The following CDH18 variants were observed in gnomAD, a reference collection of about 807,000 sequenced individuals.
CDH18 encodes the protein cadherin 18.
CDH18 carries 31 observed loss-of-function variants against 67.9 expected under a neutral mutation model. That is an observed-to-expected ratio of 0.46 (90% CI 0.34 to 0.62). CDH18 has a LOEUF of 0.62. CDH18 is among the 20% of genes least tolerant of loss of function. The pLI is 0.01. For synonymous variants in CDH18, 362 were observed against 347.2 expected (o/e 1.04, Z -0.48); for missense variants, 890 against 975.5 (o/e 0.91, Z 1.17).
intron 6 of CDH18, among the ~76,000 whole-genome samples, chr5:19,595,146 A>G (rs923083599): frequency 6.6e-6 from 1 of 152,188 alleles, no homozygotes; most frequent in Non-Finnish European, 1.5e-5. Flanking sequence ...CACTAATAAA[A>G]ATTATTTGAA....
chr5:20,408,947 G>A (rs977214242), intron 1 of CDH18, among the ~76,000 whole-genome samples: 5 of 151,622 alleles, frequency 3.3e-5, no homozygotes, highest in Admixed American at 1.3e-4. Context: ...TAGACTTTAC[G>A]TTAAAAACAA....
At chr5:20,252,214 G>T (rs1743913197) in intron 2 of CDH18, among the ~76,000 whole-genome samples, 1 of 151,994 alleles carries the variant, frequency 6.6e-6, no homozygotes, top group African/African-American at 2.4e-5. Flanking sequence ...AGCTGAGCAT[G>T]GTGGCGCGCG....
intron 8 of CDH18, among the ~76,000 whole-genome samples, chr5:19,548,843 C>T (rs1046348485): frequency 4.0e-5 from 6 of 151,658 alleles, no homozygotes; most frequent in Non-Finnish European, 5.9e-5. Context: ...CTCTGCCTCC[C>T]GGGTTCAAAC....
chr5:19,985,451 C>T lies in CDH18; in HGVS notation c.-376+2635G>A, dbSNP rs1188990201. The stretch of plus-strand genomic sequence containing the variant: ...AGCAGTGGTTCTCAATGTAATTTTG[C>T]ATCCTCCCCAGGGGATAGTTAACAA... On this transcript the variant is annotated intron_variant, in intron 1 of 12. Transcript: ENST00000382275. 2.6e-5 allele frequency among the ~76,000 whole-genome samples: 4 copies of T among 152,022 alleles called. No homozygotes were observed. In the East Asian group the frequency reaches 5.8e-4, roughly 22 times the overall value.
chr5:19,581,384 C>G (rs2149984720), intron 7 of CDH18, among the ~76,000 whole-genome samples: 1 of 152,076 alleles, frequency 6.6e-6, no homozygotes, highest in South Asian at 2.1e-4. Context: ...CGTTTCCCAG[C>G]CAGATTTACA....
chr5:19,994,855 T>TATATATATAGAGAG lies in CDH18; in HGVS notation c.-517-2842_-517-2841insCTCTCTATATATAT, dbSNP rs760777430. 1.8e-4 allele frequency among the ~76,000 whole-genome samples: 12 copies of TATATATATAGAGAG among 67,584 alleles called. 2 individuals carry two copies. Among genetic ancestry groups the TATATATATAGAGAG allele is most frequent in the East Asian group, 5.3e-4 (1 of 1,870 alleles). The allele number at this position is 67,584 out of a possible 152,430, so 44.3% of individuals were successfully genotyped here. A position where few individuals can be genotyped will look rare whatever the true frequency, so the allele number is the denominator to read the frequency against. ...ATATATATATATATATATATATATA[T>TATATATATAGAGAG]AGAGAGAGAGAGAGAGAGAGAGATG... On this transcript the variant is annotated intron_variant, in intron 2 of 14. Coordinates refer to the CDH18 transcript ENST00000507958.
chr5:19,705,876 G>T (rs917696347), intron 5 of CDH18, among the ~76,000 whole-genome samples: 2 of 152,128 alleles, frequency 1.3e-5, no homozygotes, highest in African/African-American at 4.8e-5. Flanking sequence ...TTCCTAAAAT[G>T]AAACTGTTTC....
At chr5:20,120,345 T>A (rs760945548) in intron 2 of CDH18, among the ~76,000 whole-genome samples, 4 of 152,192 alleles carry the variant, frequency 2.6e-5, no homozygotes, top group Non-Finnish European at 4.4e-5. Flanking sequence ...GGCTTTATTC[T>A]ATGGCACTTA....
At chr5:20,281,941 T>C (rs1746311080) in intron 1 of CDH18, among the ~76,000 whole-genome samples, 1 of 152,164 alleles carries the variant, frequency 6.6e-6, no homozygotes, top group Non-Finnish European at 1.5e-5. Context: ...CCCTTGTAAG[T>C]TGGATTCCTA....
At chr5:20,498,989 G>T (rs1754076389) in intron 1 of CDH18, among the ~76,000 whole-genome samples, 1 of 152,004 alleles carries the variant, frequency 6.6e-6, no homozygotes, top group Non-Finnish European at 1.5e-5. Context: ...TGCATACTCT[G>T]GGTTACTGGT....
At position 20,117,770 on chromosome 5, in the gene CDH18, G is replaced by A. The variant is rs542305075; in HGVS notation, c.-517-125756C>T. 3.5e-4 allele frequency among the ~76,000 whole-genome samples: 53 copies of A among 152,212 alleles called. 1 individual carries two copies. The South Asian group carries it at 8.7e-3, about 25-fold the overall frequency. On this transcript the variant is annotated intron_variant, in intron 2 of 14. Transcript: ENST00000507958. Reference sequence around the variant, plus strand: ...GCAATTATGCTCTGGAACATGAATCGAACAACCATTTTAAGGCACTTAATG... The same window carrying A: ...GCAATTATGCTCTGGAACATGAATCAAACAACCATTTTAAGGCACTTAATG...
chr5:19,791,042 G>A (rs1776297838), intron 3 of CDH18, among the ~76,000 whole-genome samples: 1 of 152,044 alleles, frequency 6.6e-6, no homozygotes, highest in South Asian at 2.1e-4. Flanking sequence ...ACTGGGAAGA[G>A]ACTTAGAGTC....
intron 2 of CDH18, among the ~76,000 whole-genome samples, chr5:19,979,244 G>GTGTT (rs1798795021): frequency 6.6e-6 from 1 of 151,626 alleles, no homozygotes; most frequent in South Asian, 2.1e-4. Context: ...GTGTGTGTGT[G>GTGTT]TGTTGAAGCA....
intron 1 of CDH18, among the ~76,000 whole-genome samples, chr5:20,315,772 G>A (rs77245176): frequency 0.038 from 5,715 of 152,188 alleles, 270 homozygotes; most frequent in African/African-American, 0.11. Flanking sequence ...TTGATAACCA[G>A]TAACTCTAGA....
intron 3 of CDH18, among the ~76,000 whole-genome samples, chr5:19,813,150 G>A (rs1398863912): frequency 6.6e-6 from 1 of 152,124 alleles, no homozygotes; most frequent in Non-Finnish European, 1.5e-5. Flanking sequence ...ACGGGTGGGG[G>A]ACTGGGGGAG....
intron 5 of CDH18, among the ~76,000 whole-genome samples, chr5:19,613,728 C>A (rs1377190896): frequency 6.6e-6 from 1 of 152,034 alleles, no homozygotes; most frequent in Non-Finnish European, 1.5e-5. Context: ...AACGCATATT[C>A]TGGAGGATAA....
chr5:19,873,378 T>A (rs1435344510), intron 2 of CDH18, among the ~76,000 whole-genome samples: 1 of 152,098 alleles, frequency 6.6e-6, no homozygotes, highest in East Asian at 1.9e-4. Context: ...CACTATCATC[T>A]GAAGAAAAAC....
chr5:19,502,858 A>G (rs1427324266), intron 11 of CDH18, 134 bp downstream of exon 11: 1 of 720,678 alleles, frequency 1.4e-6, no homozygotes, highest in South Asian at 1.4e-5. Flanking sequence ...TTCACAGATC[A>G]TAACACAGTA....
intron 3 of CDH18, among the ~76,000 whole-genome samples, chr5:19,786,175 C>T (rs1775755053): frequency 6.6e-6 from 1 of 152,020 alleles, no homozygotes; most frequent in Admixed American, 6.6e-5. Flanking sequence ...TATATGGTAG[C>T]ATGCCATCAC....
Sources: allele counts gnomAD v4.1 joint callset (sites outside exome capture counted in the v4.1 genomes callset), GRCh38; gene constraint gnomAD v4.1.1; transcripts MANE v1.5; gene names NCBI Gene and HGNC (gene_info 2026-07-23, HGNC 2026-07-21).